Variants in PDE1C observed in about 807,000 individuals in gnomAD.
PDE1C encodes phosphodiesterase 1C.
Under a neutral mutation model 93.1 loss-of-function variants are expected in PDE1C, and 62 were observed. The ratio of observed to expected loss-of-function variants is 0.67; its 90% CI spans 0.54 to 0.82. The LOEUF (loss-of-function observed/expected upper bound fraction) is 0.82. Among genes scored for constraint, PDE1C ranks in the 40% least tolerant of loss-of-function variants. PDE1C has a pLI of 0.00. For synonymous variants in PDE1C, 325 were observed against 310.1 expected, an observed-to-expected ratio of 1.05 and a Z score of -0.50; for missense variants, 742 against 884.6, an observed-to-expected ratio of 0.84 and a Z score of 2.04.
chr7:32,285,215 T>A (rs981913954), intron 1 of PDE1C, among the ~76,000 whole-genome samples: 1 of 152,138 alleles, frequency 6.6e-6, no homozygotes, highest in Non-Finnish European at 1.5e-5. Context: ...TGATTCCTCT[T>A]CTTTAAAACT....
At chr7:32,384,191 G>A (rs918925760) in intron 1 of PDE1C, among the ~76,000 whole-genome samples, 4 of 152,106 alleles carry the variant, frequency 2.6e-5, no homozygotes, top group Admixed American at 1.3e-4. Context: ...GCAAGATAAT[G>A]CTAGGTTTTA....
intron 1 of PDE1C, among the ~76,000 whole-genome samples, chr7:32,334,289 TA>T (rs964938988): frequency 2.2e-4 from 33 of 152,176 alleles, no homozygotes; most frequent in African/African-American, 7.5e-4. Context: ...ATATGTCCTT[TA>T]AAAAATGTTT....
At chr7:31,658,081 A>G in the PDE1C span, among the ~76,000 whole-genome samples, 1 of 152,214 alleles carries the variant, frequency 6.6e-6, no homozygotes, top group African/African-American at 2.4e-5. Flanking sequence ...TGATTTCGTT[A>G]TGCATGAGGG....
intron 1 of PDE1C, among the ~76,000 whole-genome samples, chr7:32,401,395 G>T (rs1490075751): frequency 1.3e-5 from 2 of 152,078 alleles, no homozygotes; most frequent in African/African-American, 4.8e-5. Flanking sequence ...AAATTAGCTA[G>T]GCGTGGTGGC....
At chr7:32,253,862 G>T (rs569832821) in intron 1 of PDE1C, among the ~76,000 whole-genome samples, 1 of 152,322 alleles carries the variant, frequency 6.6e-6, no homozygotes, top group Non-Finnish European at 1.5e-5. Context: ...AGAGATCAAT[G>T]ACTGTGATCA....
intron 1 of PDE1C, among the ~76,000 whole-genome samples, chr7:32,287,578 C>A (rs1195487941): frequency 6.6e-6 from 1 of 152,234 alleles, no homozygotes; most frequent in African/African-American, 2.4e-5. Flanking sequence ...ATTCCTAGTG[C>A]CTAACACAAT....
chr7:32,376,160 A>AAAAG (rs758590235), intron 1 of PDE1C, among the ~76,000 whole-genome samples: 20 of 148,972 alleles, frequency 1.3e-4, no homozygotes, highest in African/African-American at 4.4e-4. Flanking sequence ...CTCTGTCAAA[A>AAAAG]AAAGAAAGAA....
At chr7:31,652,527 G>T in the PDE1C span, 1 of 1,596,992 alleles carries the variant, frequency 6.3e-7, no homozygotes, top group South Asian at 1.1e-5. Context: ...GCAGCTGGAG[G>T]TTCTCACAGC....
intron 1 of PDE1C, among the ~76,000 whole-genome samples, chr7:32,242,625 C>T (rs560805818): frequency 3.4e-4 from 52 of 152,180 alleles, no homozygotes; most frequent in African/African-American, 1.1e-3. Flanking sequence ...GTAACCATAA[C>T]AAAGAGGGGT....
chr7:32,160,497 A>G (rs866135341), intron 3 of PDE1C, among the ~76,000 whole-genome samples: 116 of 152,160 alleles, frequency 7.6e-4, no homozygotes, highest in African/African-American at 2.7e-3. Context: ...ATTAATTCAT[A>G]AGAATAAACC....
intron 2 of PDE1C, among the ~76,000 whole-genome samples, chr7:31,972,163 G>C (rs1811052631): frequency 1.3e-5 from 2 of 152,168 alleles, no homozygotes; most frequent in African/African-American, 4.8e-5. Flanking sequence ...AATTTAAACT[G>C]TACTGGTAGT....
At chr7:31,761,963 T>C (rs1023388579) in intron 17 of PDE1C, among the ~76,000 whole-genome samples, 5 of 152,188 alleles carry the variant, frequency 3.3e-5, no homozygotes, top group Non-Finnish European at 7.3e-5. Flanking sequence ...AATAAAAATA[T>C]ATCATACATG....
the PDE1C span, among the ~76,000 whole-genome samples, chr7:31,618,766 T>C: frequency 2.0e-5 from 3 of 152,210 alleles, no homozygotes; most frequent in Non-Finnish European, 4.4e-5. Context: ...AGCTGGCAAG[T>C]GTTGGCATCA....
chr7:32,207,262 G>A (rs961385708), intron 2 of PDE1C, among the ~76,000 whole-genome samples: 1 of 151,442 alleles, frequency 6.6e-6, no homozygotes, highest in South Asian at 2.1e-4. Flanking sequence ...AATCCCCGTC[G>A]TGCCTGATTC....
At chr7:32,402,788 A>G (rs992090039) in intron 1 of PDE1C, among the ~76,000 whole-genome samples, 2 of 152,232 alleles carry the variant, frequency 1.3e-5, no homozygotes, top group African/African-American at 4.8e-5. Context: ...GGTTCAATAA[A>G]TGGTAGCAGT....
At chr7:31,986,804 A>T (rs1194838809) in intron 2 of PDE1C, among the ~76,000 whole-genome samples, 1 of 152,076 alleles carries the variant, frequency 6.6e-6, no homozygotes, top group Non-Finnish European at 1.5e-5. Context: ...GTGAGGGAAA[A>T]AATTTGTTTT....
At chr7:31,937,948 C>T (rs1805313779) in intron 2 of PDE1C, among the ~76,000 whole-genome samples, 1 of 152,074 alleles carries the variant, frequency 6.6e-6, no homozygotes, top group Non-Finnish European at 1.5e-5. Flanking sequence ...CACTCCATTC[C>T]CAAACAATGC....
chr7:32,013,210 A>C lies in PDE1C; in HGVS notation c.128+38344T>G, dbSNP rs117209001. ...TAAGTTTTTTAATTATCTAAAATCA[A>C]ATTTTCAAATATGAGTCATGATCTC... is the stretch of plus-strand genomic sequence containing the variant. On this transcript the variant is annotated intron_variant, in intron 2 of 17. Transcript: ENST00000396191. Among the ~76,000 whole-genome samples the C allele has an allele frequency of 2.4e-3, 361 of 152,344 alleles. 6 individuals carry two copies. The East Asian group carries it at 0.05, about 21-fold the overall frequency.
chr7:31,872,961 A>G lies in PDE1C; in HGVS notation c.609+331T>C, dbSNP rs564926135. Among the ~76,000 whole-genome samples the G allele has an allele frequency of 1.7e-3, 257 of 152,324 alleles. 1 individual carries two copies. Among genetic ancestry groups the G allele is most frequent in the African/African-American group, 6.0e-3 (251 of 41,574 alleles). ...TACTGCCCCTCTGACAGCGTTGGTCAATAGGACACAAAGTCATGTGGAAAT... is the reference window on the plus strand; with the variant it reads ...TACTGCCCCTCTGACAGCGTTGGTCGATAGGACACAAAGTCATGTGGAAAT... On this transcript the variant is annotated intron_variant, in intron 6 of 17. Coordinates refer to ENST00000396191, the MANE Select transcript of PDE1C (RefSeq NM_001191057.4).
Sources: allele counts gnomAD v4.1 joint callset (sites outside exome capture counted in the v4.1 genomes callset), GRCh38; gene constraint gnomAD v4.1.1; transcripts MANE v1.5; gene names NCBI Gene and HGNC (gene_info 2026-07-23, HGNC 2026-07-21).